MAPK4: variants seen among roughly 807,000 people sequenced by gnomAD.
The protein encoded by MAPK4 is mitogen-activated protein kinase 4.
Under a neutral mutation model 47.7 loss-of-function variants are expected in MAPK4, and 22 were observed. The ratio of observed to expected loss-of-function variants is 0.46; its 90% confidence interval spans 0.33 to 0.66. The LOEUF (loss-of-function observed/expected upper bound fraction) is 0.66, where lower values mean the gene tolerates loss of function less well. Ranked by LOEUF, MAPK4 falls within the 30% of genes least tolerant of loss-of-function variation. The probability of loss-of-function intolerance (pLI) is 0.02; values close to 1 mark genes in which losing one functional copy is unlikely to be tolerated. For missense variants in MAPK4, 736 were observed against 831.7 expected (o/e 0.88, Z 1.42); for synonymous variants, 390 against 365.7 (o/e 1.07, Z -0.76).
At chr18:50,676,524 T>C (rs951409116) in intron 2 of MAPK4, among the ~76,000 whole-genome samples, 2 of 152,248 alleles carry the variant, frequency 1.3e-5, no homozygotes, top group Non-Finnish European at 2.9e-5. Flanking sequence ...TATCCTTTCA[T>C]TCTATCTCAA....
Position 50,725,981 on chromosome 18 carries a change from G to A in MAPK4, c.873G>A (p.Lys291=), listed in dbSNP as rs1311858182. 1 of 1,614,174 alleles carries A rather than the reference G, an allele frequency of 6.2e-7. No individual in the cohort carries two copies. Among genetic ancestry groups the A allele is most frequent in the Non-Finnish European group, 8.5e-7 (1 of 1,180,032 alleles). Reference sequence around the variant, plus strand: ...CTGCAGCCATCGACTTTCTGGAGAAGATCCTGACCTTTAACCCCATGGATC... The same window carrying A: ...CTGCAGCCATCGACTTTCTGGAGAAAATCCTGACCTTTAACCCCATGGATC... ...VNSEAIDFLE[K]ILTFNPMDRL... Residue 291 remains lysine (K), a synonymous_variant, in exon 5 of 6, where the codon AAG becomes AAA. Coordinates refer to ENST00000400384, the MANE Select transcript of MAPK4 (RefSeq NM_002747.4).
At chr18:50,578,002 A>C (rs1169681319) in intron 1 of MAPK4, among the ~76,000 whole-genome samples, 1 of 152,198 alleles carries the variant, frequency 6.6e-6, no homozygotes, top group Non-Finnish European at 1.5e-5. Context: ...GCCTTAGGTG[A>C]ACTCTGTGTA....
chr18:50,687,312 A>T (rs926809779), intron 2 of MAPK4, among the ~76,000 whole-genome samples: 1 of 152,182 alleles, frequency 6.6e-6, no homozygotes, highest in Admixed American at 6.5e-5. Flanking sequence ...GGCGTGAGCC[A>T]CCATGCCTGG....
rs555544298 is a variant in MAPK4 at position 50,714,564 on chromosome 18, C to CA, written c.547-514dup. On this transcript the variant is annotated intron_variant, in intron 2 of 5. Transcript: ENST00000400384. ...TTATGAAGATGGTCTTATCTGTTCTCAGCAAGAGCCTGGTGCCTGGCTTTG... is the reference window on the plus strand; with the variant it reads ...TTATGAAGATGGTCTTATCTGTTCTCAAGCAAGAGCCTGGTGCCTGGCTTTG... Among the ~76,000 whole-genome samples the CA allele has an allele frequency of 2.1e-3, 320 of 152,322 alleles. 3 individuals are homozygous for CA. Among genetic ancestry groups the CA allele is most frequent in the African/African-American group, 7.0e-3 (290 of 41,564 alleles).
intron 1 of MAPK4, among the ~76,000 whole-genome samples, chr18:50,640,853 C>T (rs114527216): frequency 4.1e-4 from 62 of 152,190 alleles, no homozygotes; most frequent in African/African-American, 1.3e-3. Context: ...TTAGTGCCTG[C>T]GCAGTCAGGG....
intron 1 of MAPK4, among the ~76,000 whole-genome samples, chr18:50,597,491 A>G (rs1440033272): frequency 6.6e-6 from 1 of 152,254 alleles, no homozygotes; most frequent in Non-Finnish European, 1.5e-5. Context: ...TCCCAAAGAA[A>G]GCTGCCATGA....
chr18:50,594,768 G>C (rs934899793), intron 1 of MAPK4, among the ~76,000 whole-genome samples: 24 of 152,164 alleles, frequency 1.6e-4, no homozygotes, highest in Non-Finnish European at 8.8e-5. Context: ...TTCATGAAGA[G>C]CTGTTATTAA....
intron 1 of MAPK4, among the ~76,000 whole-genome samples, chr18:50,578,972 C>T (rs2042320691): frequency 6.6e-6 from 1 of 152,146 alleles, no homozygotes; most frequent in Admixed American, 6.5e-5. Context: ...TGAGAGAGAA[C>T]ATGAGTAAGC....
intron 1 of MAPK4, among the ~76,000 whole-genome samples, chr18:50,632,249 TG>T (rs1454722295): frequency 6.6e-6 from 1 of 152,214 alleles, no homozygotes; most frequent in East Asian, 1.9e-4. Context: ...AAATTTCACG[TG>T]GCTGGGAGTT....
At chr18:50,697,197 C>T (rs2144368863) in intron 2 of MAPK4, among the ~76,000 whole-genome samples, 1 of 152,332 alleles carries the variant, frequency 6.6e-6, no homozygotes, top group East Asian at 1.9e-4. Flanking sequence ...CTGTTCAAAA[C>T]AAAACCTGGG....
At position 50,609,832 on chromosome 18, in the gene MAPK4, G is replaced by C. The variant is rs1008073711; in HGVS notation, c.-871+49589G>C. Among the ~76,000 whole-genome samples the C allele has an allele frequency of 2.0e-5, 3 of 152,126 alleles. No individual in the cohort carries two copies. The South Asian group carries it at 6.2e-4, about 32-fold the overall frequency. ...GTACTCTCTTTGGTCATATTGGTCT[G>C]TAGATATGGTGGATATATCAGACAG... On this transcript the variant is annotated intron_variant, in intron 1 of 5. Transcript: ENST00000400384.
At chr18:50,636,793 T>A (rs76903342) in intron 1 of MAPK4, among the ~76,000 whole-genome samples, 406 of 152,356 alleles carry the variant, frequency 2.7e-3, no homozygotes, top group African/African-American at 9.5e-3. Context: ...TTACTCTTTT[T>A]CACTTTGGAC....
At chr18:50,631,564 A>G (rs1265541713) in intron 1 of MAPK4, among the ~76,000 whole-genome samples, 1 of 152,140 alleles carries the variant, frequency 6.6e-6, no homozygotes, top group South Asian at 2.1e-4. Context: ...ACCCTTCCTG[A>G]ACTTTGTGGC....
At chr18:50,693,383 C>T (rs576021065) in intron 2 of MAPK4, among the ~76,000 whole-genome samples, 9 of 152,210 alleles carry the variant, frequency 5.9e-5, no homozygotes, top group African/African-American at 1.7e-4. Context: ...CAGCGGACTA[C>T]GAGCAGCAAA....
intron 1 of MAPK4, among the ~76,000 whole-genome samples, chr18:50,631,450 A>G (rs745496530): frequency 6.6e-6 from 1 of 152,200 alleles, no homozygotes; most frequent in Non-Finnish European, 1.5e-5. Context: ...AGACCACTCC[A>G]TTGTTGCCAT....
At chr18:50,595,154 T>C (rs914610368) in intron 1 of MAPK4, among the ~76,000 whole-genome samples, 38 of 152,332 alleles carry the variant, frequency 2.5e-4, no homozygotes, top group African/African-American at 8.7e-4. Flanking sequence ...GCAATTCTTA[T>C]AAGGTTAAAC....
At chr18:50,582,457 G>A (rs1206852740) in intron 1 of MAPK4, among the ~76,000 whole-genome samples, 1 of 152,256 alleles carries the variant, frequency 6.6e-6, no homozygotes, top group Non-Finnish European at 1.5e-5. Flanking sequence ...TGTTATGGTT[G>A]TTGCACCAAG....
intron 2 of MAPK4, among the ~76,000 whole-genome samples, chr18:50,696,964 C>T (rs936347541): frequency 2.0e-5 from 3 of 151,932 alleles, no homozygotes; most frequent in African/African-American, 7.3e-5. Flanking sequence ...AGACTTGGGT[C>T]CTGAAAGAGG....
intron 1 of MAPK4, among the ~76,000 whole-genome samples, chr18:50,615,404 CTTG>C (rs946920826): frequency 1.1e-4 from 17 of 152,184 alleles, no homozygotes; most frequent in African/African-American, 3.6e-4. Flanking sequence ...CTCCTTCTAT[CTTG>C]TTGTTCACTT....
Sources: allele counts gnomAD v4.1 joint callset (sites outside exome capture counted in the v4.1 genomes callset), GRCh38; gene constraint gnomAD v4.1.1; transcripts MANE v1.5; gene names NCBI Gene and HGNC (gene_info 2026-07-23, HGNC 2026-07-21).